EXOC6B: variants seen among roughly 807,000 people sequenced by gnomAD.
EXOC6B encodes exocyst complex component 6B, also known as SEC15 homolog B.
In EXOC6B, 54 loss-of-function variants were observed where a neutral mutation model predicts 113.5. The observed-to-expected ratio is 0.48, with a 90% confidence interval of 0.38 to 0.60. The LOEUF is 0.60. Among genes scored for constraint, EXOC6B ranks in the 20% least tolerant of loss-of-function variants. The pLI is 0.00. For missense variants in EXOC6B, 797 were observed against 977.5 expected (o/e 0.82, Z 2.46); for synonymous variants, 357 against 339.0 (o/e 1.05, Z -0.58).
At chr2:72,492,563 G>T (rs1455131186) in intron 15 of EXOC6B, 134 bp from the exon 16 acceptor site, 6 of 500,800 alleles carry the variant, frequency 1.2e-5, no homozygotes, top group Non-Finnish European at 2.1e-5. Context: ...TTGTAAGTCA[G>T]AAAAAGTACT....
chr2:72,348,439 C>A (rs116282175), intron 19 of EXOC6B, among the ~76,000 whole-genome samples: 2,134 of 152,178 alleles, frequency 0.014, 52 homozygotes, highest in African/African-American at 0.048. Context: ...TTTGTATATG[C>A]TTCAACAAGC....
At chr2:72,808,327 T>A (rs1685692986) in intron 1 of EXOC6B, among the ~76,000 whole-genome samples, 1 of 152,126 alleles carries the variant, frequency 6.6e-6, no homozygotes, top group African/African-American at 2.4e-5. Context: ...AAACAGTGGA[T>A]GATGTAAAGA....
intron 18 of EXOC6B, among the ~76,000 whole-genome samples, chr2:72,406,354 T>C (rs1452900400): frequency 6.6e-6 from 1 of 152,080 alleles, no homozygotes; most frequent in Non-Finnish European, 1.5e-5. Context: ...CAAGCAGACC[T>C]AATAGACATC....
chr2:72,546,260 C>A (rs1028048794), intron 8 of EXOC6B, among the ~76,000 whole-genome samples: 6 of 152,132 alleles, frequency 3.9e-5, no homozygotes, highest in Non-Finnish European at 5.9e-5. Flanking sequence ...ACCAGCCTGG[C>A]CAGCATGGCA....
intron 8 of EXOC6B, among the ~76,000 whole-genome samples, chr2:72,517,574 A>C (rs1036680125): frequency 3.3e-5 from 5 of 152,170 alleles, no homozygotes; most frequent in Admixed American, 6.5e-5. Context: ...TGGTTTGTTA[A>C]AGTTATTCTC....
chr2:72,257,329 C>A (rs910299711), intron 20 of EXOC6B, among the ~76,000 whole-genome samples: 1 of 152,154 alleles, frequency 6.6e-6, no homozygotes, highest in Non-Finnish European at 1.5e-5. Flanking sequence ...AACAACAACT[C>A]ATGCTTAGGT....
intron 8 of EXOC6B, among the ~76,000 whole-genome samples, chr2:72,551,984 AGT>A (rs71997873): frequency 0.83 from 126,521 of 151,988 alleles, 53,637 homozygotes; most frequent in East Asian, 0.99. Context: ...AAATTCAGTA[AGT>A]GTTTTTTTAA....
At chr2:72,403,878 A>G (rs373315403) in intron 18 of EXOC6B, among the ~76,000 whole-genome samples, 39 of 152,268 alleles carry the variant, frequency 2.6e-4, no homozygotes, top group African/African-American at 7.9e-4. Flanking sequence ...CAGTGGGTGC[A>G]GTACACCGAG....
intron 6 of EXOC6B, among the ~76,000 whole-genome samples, chr2:72,603,302 TG>T (rs1207233687): frequency 6.6e-6 from 1 of 152,074 alleles, no homozygotes; most frequent in Non-Finnish European, 1.5e-5. Context: ...TTTTAAAAGA[TG>T]GAAGTACCGT....
At chr2:72,668,210 T>G (rs1243527366) in intron 6 of EXOC6B, among the ~76,000 whole-genome samples, 4 of 151,982 alleles carry the variant, frequency 2.6e-5, no homozygotes, top group African/African-American at 9.7e-5. Context: ...AAAAACACAA[T>G]GAGATACCAC....
chr2:72,436,272 T>C (rs775687967), intron 18 of EXOC6B, among the ~76,000 whole-genome samples: 2 of 152,230 alleles, frequency 1.3e-5, no homozygotes, highest in Non-Finnish European at 2.9e-5. Flanking sequence ...GATCTGCTGT[T>C]AGTCTGATGG....
At chr2:72,272,819 T>C (rs1684577491) in intron 20 of EXOC6B, among the ~76,000 whole-genome samples, 1 of 152,162 alleles carries the variant, frequency 6.6e-6, no homozygotes, top group African/African-American at 2.4e-5. Flanking sequence ...GGCCATTGCT[T>C]GGGTCTTACT....
At chr2:72,608,815 A>G (rs1166550840) in intron 6 of EXOC6B, among the ~76,000 whole-genome samples, 1 of 152,150 alleles carries the variant, frequency 6.6e-6, no homozygotes, top group East Asian at 1.9e-4. Context: ...AGAACAAAGT[A>G]TCACAAAGAG....
In EXOC6B at chr2:72,731,212, G is replaced by C. The variant is rs771175482; in HGVS notation, c.361C>G (p.Arg121Gly). The change falls in exon 4 of 22, where the codon CGA becomes GGA. Residue 121 changes from arginine to glycine, a missense_variant. Physicochemically the swap from Arg to Gly is moderately radical, Grantham distance 125. Coordinates refer to ENST00000272427, the MANE Select transcript of EXOC6B (RefSeq NM_015189.3). ...VIAMEELKQCRLQQRNISATV... is the reference protein window; with the variant it reads ...VIAMEELKQCGLQQRNISATV... The stretch of plus-strand genomic sequence containing the variant: ...GCAGAAATATTTCTCTGTTGTAGTC[G>C]ACACTGCTTCAGCTCTTCCATTGCT... 7 of 1,613,196 alleles carry C rather than the reference G, an allele frequency of 4.3e-6. No homozygotes were observed. Among genetic ancestry groups the C allele is most frequent in the Non-Finnish European group, 5.9e-6 (7 of 1,179,606 alleles).
chr2:72,751,072 A>G (rs996816039), intron 1 of EXOC6B, among the ~76,000 whole-genome samples: 4 of 152,138 alleles, frequency 2.6e-5, no homozygotes, highest in African/African-American at 7.2e-5. Context: ...AAAAACTATC[A>G]AAAATGAATA....
chr2:72,518,653 G>A (rs1156324791), intron 8 of EXOC6B, among the ~76,000 whole-genome samples: 1 of 152,018 alleles, frequency 6.6e-6, no homozygotes, highest in Non-Finnish European at 1.5e-5. Flanking sequence ...CAAAGAGGCT[G>A]AATGGAAAAA....
chr2:72,267,614 T>C (rs10178847), intron 20 of EXOC6B, among the ~76,000 whole-genome samples: 18,219 of 152,238 alleles, frequency 0.12, 1,350 homozygotes, highest in Admixed American at 0.16. Context: ...GCCCACTTGA[T>C]CATGGTAGAT....
chr2:72,459,029 A>C (rs1697442252), intron 18 of EXOC6B, among the ~76,000 whole-genome samples: 3 of 152,160 alleles, frequency 2.0e-5, no homozygotes, highest in African/African-American at 7.2e-5. Context: ...CTAAAAACAC[A>C]AACAAAAAGG....
intron 6 of EXOC6B, among the ~76,000 whole-genome samples, chr2:72,619,912 G>A (rs1388915012): frequency 6.6e-6 from 1 of 152,204 alleles, no homozygotes; most frequent in Admixed American, 6.5e-5. Context: ...AGCTCTGGTG[G>A]AGAGTGGCCA....
Sources: gnomAD v4.1 joint callset for allele counts (sites outside exome capture counted in the v4.1 genomes callset) on GRCh38, gnomAD v4.1.1 for gene constraint, MANE v1.5 for transcripts, NCBI Gene and HGNC (gene_info 2026-07-23, HGNC 2026-07-21) for gene names.